The following CORO2A variants were observed in gnomAD, a reference collection of about 807,000 sequenced individuals.
The protein encoded by CORO2A is coronin-2A.
A neutral mutation model predicts 62.4 loss-of-function variants in CORO2A; 47 were observed. The observed-to-expected ratio is 0.75, with a 90% CI of 0.60 to 0.96. CORO2A has a LOEUF of 0.96. Ranked by LOEUF, CORO2A falls within the 40% of genes least tolerant of loss-of-function variation. The probability of loss-of-function intolerance (pLI) is 0.00; values close to 1 mark genes in which losing one functional copy is unlikely to be tolerated. For missense variants in CORO2A, 610 were observed against 684.1 expected, an observed-to-expected ratio of 0.89 and a Z score of 1.21; for synonymous variants, 273 against 268.9, an observed-to-expected ratio of 1.02 and a Z score of -0.15.
At chr9:98,158,782 G>A (rs1827840871) in intron 1 of CORO2A, among the ~76,000 whole-genome samples, 1 of 152,022 alleles carries the variant, frequency 6.6e-6, no homozygotes, top group South Asian at 2.1e-4. Flanking sequence ...AGAACAGTTT[G>A]GGGGAACCAC....
intron 11 of CORO2A, among the ~76,000 whole-genome samples, chr9:98,125,686 CA>C (rs112577379): frequency 8.0e-5 from 12 of 150,252 alleles, no homozygotes; most frequent in African/African-American, 2.9e-4. Context: ...AAACCCTCTC[CA>C]TTTTACAGAT....
rs1252927627 is a variant in CORO2A, at chr9:98,136,676, G to C, written c.318+896C>G. ...GCCTCCCACAGGCTGTGTAACATTA[G>C]GCAAATTGCTGTACCTCTCTGATCC... On this transcript the variant is annotated intron_variant, in intron 3 of 11. Coordinates refer to ENST00000375077, the MANE Select transcript of CORO2A (RefSeq NM_052820.4). 2.0e-5 allele frequency among the ~76,000 whole-genome samples: 3 copies of C among 152,308 alleles called. No homozygotes were observed. In the East Asian group the frequency reaches 5.8e-4, roughly 29 times the overall value.
intron 1 of CORO2A, among the ~76,000 whole-genome samples, chr9:98,159,567 C>T (rs1212675500): frequency 6.6e-6 from 1 of 151,532 alleles, no homozygotes; most frequent in Non-Finnish European, 1.5e-5. Flanking sequence ...GCTTGGCTTG[C>T]CATTCCCATG....
rs187268337 is a variant in CORO2A, at chr9:98,134,993, G to A, written c.319-38C>T. The A allele has an allele frequency of 6.2e-5, 99 of 1,605,466 alleles. No individual in the cohort carries two copies. The East Asian group carries it at 1.8e-3, about 30-fold the overall frequency. On this transcript the variant is annotated intron_variant, in intron 3 of 11. Coordinates refer to ENST00000375077, the MANE Select transcript of CORO2A (RefSeq NM_052820.4). ...ACAGGGCCCAAGGCAGCATTAGCCA[G>A]GGCACCTTGGCACCGTCACCAGCCT...
intron 1 of CORO2A, among the ~76,000 whole-genome samples, chr9:98,161,071 C>A (rs935840983): frequency 6.6e-6 from 1 of 152,174 alleles, no homozygotes; most frequent in Non-Finnish European, 1.5e-5. Flanking sequence ...GTAGAGTGAA[C>A]CATGAGATAA....
intron 2 of CORO2A, among the ~76,000 whole-genome samples, chr9:98,140,766 T>C (rs932137478): frequency 2.6e-5 from 4 of 152,160 alleles, no homozygotes; most frequent in Non-Finnish European, 5.9e-5. Context: ...TTAGTAGCTC[T>C]GCAAACAGAG....
At chr9:98,132,064 A>C in intron 6 of CORO2A, 121 bp downstream of exon 6, 1 of 810,432 alleles carries the variant, frequency 1.2e-6, no homozygotes, top group Non-Finnish European at 2.1e-6. Context: ...GATCCCCAGC[A>C]CCTGGCAGTC....
At chr9:98,126,943 G>T (rs1181372224) in intron 10 of CORO2A, 120 bp from the exon 11 acceptor site, 1 of 1,134,908 alleles carries the variant, frequency 8.8e-7, no homozygotes, top group Non-Finnish European at 1.3e-6. Flanking sequence ...CATGCAACAT[G>T]TGTGGGAAAT....
At chr9:98,173,062 T>A (rs1408155020) in intron 1 of CORO2A, among the ~76,000 whole-genome samples, 2 of 152,174 alleles carry the variant, frequency 1.3e-5, no homozygotes, top group African/African-American at 4.8e-5. Context: ...CCCAGCACTT[T>A]AGGAGGCCGA....
rs1183514343 is a variant in CORO2A at position 98,137,588 on chromosome 9, C to G, written c.302G>C (p.Cys101Ser). ...GACACTCACTGTGGCATCTTCAGAA[C>G]AGGAGGCGATCTCAAAATCATCAAA... Reference protein sequence around the residue: ...NPFDDFEIASCSEDATIKIWS... With the variant: ...NPFDDFEIASSSEDATIKIWS... Residue 101 changes from cysteine to serine, a missense_variant, in exon 3 of 12, where the codon TGT (cysteine) becomes TCT (serine). Physicochemically the swap from Cys to Ser is moderately radical, Grantham distance 112 (BLOSUM62 -1). Coordinates refer to ENST00000375077, the MANE Select transcript of CORO2A (RefSeq NM_052820.4). The G allele has an allele frequency of 6.2e-7, 1 of 1,614,078 alleles. No homozygotes were observed. Among genetic ancestry groups the G allele is most frequent in the Admixed American group, 1.7e-5 (1 of 60,026 alleles).
chr9:98,150,273 A>G (rs536276891), intron 2 of CORO2A, among the ~76,000 whole-genome samples: 1 of 152,124 alleles, frequency 6.6e-6, no homozygotes, highest in African/African-American at 2.4e-5. Flanking sequence ...CACTGGACTC[A>G]GGATAGAGCC....
chr9:98,160,339 G>C (rs747489903), intron 1 of CORO2A, among the ~76,000 whole-genome samples: 8 of 152,206 alleles, frequency 5.3e-5, no homozygotes, highest in African/African-American at 1.9e-4. Flanking sequence ...CACCTGAAAC[G>C]CAGGAGGAGT....
chr9:98,181,895 A>T (rs1417444843), intron 1 of CORO2A, among the ~76,000 whole-genome samples: 1 of 152,186 alleles, frequency 6.6e-6, no homozygotes, highest in Non-Finnish European at 1.5e-5. Flanking sequence ...AGTCACTTCC[A>T]AGCTGTGTGA....
intron 4 of CORO2A, 84 bp from the exon 5 acceptor site, chr9:98,133,301 A>T: frequency 7.4e-7 from 1 of 1,359,526 alleles, no homozygotes; most frequent in Non-Finnish European, 1.0e-6. Flanking sequence ...GATGCAGTGA[A>T]ACACAGTATC....
Position 98,129,753 on chromosome 9 carries a change from T to G in CORO2A, c.967+41A>C, listed in dbSNP as rs1009417562. 4 of 1,497,804 alleles carry G rather than the reference T, an allele frequency of 2.7e-6. No individual in the cohort carries two copies. The Admixed American group carries it at 6.7e-5, about 25-fold the overall frequency. 92.8% of individuals were successfully genotyped at this position (1,497,804 alleles called of 1,614,324 possible). A position where few individuals can be genotyped will look rare whatever the true frequency, so the allele number is the denominator to read the frequency against. ...ATTCTCCCACCTCGGCCTCCCGAAGTGCTGGGATTACAGGCATGAACTTCA... is the reference window on the plus strand; with the variant it reads ...ATTCTCCCACCTCGGCCTCCCGAAGGGCTGGGATTACAGGCATGAACTTCA... On this transcript the variant is annotated intron_variant, in intron 8 of 11. Transcript: ENST00000375077.
intron 3 of CORO2A, among the ~76,000 whole-genome samples, chr9:98,136,166 G>T (rs1055156374): frequency 6.6e-6 from 1 of 152,228 alleles, no homozygotes; most frequent in Non-Finnish European, 1.5e-5. Flanking sequence ...TAAAGATCTT[G>T]ATGGGAGCCT....
At chr9:98,147,010 T>C (rs953988831) in intron 2 of CORO2A, among the ~76,000 whole-genome samples, 13 of 152,146 alleles carry the variant, frequency 8.5e-5, no homozygotes, top group African/African-American at 3.1e-4. Flanking sequence ...CTCATGCCTG[T>C]TATCCCAGCA....
chr9:98,188,815 A>G (rs1375287563), intron 1 of CORO2A, among the ~76,000 whole-genome samples: 1 of 152,164 alleles, frequency 6.6e-6, no homozygotes, highest in African/African-American at 2.4e-5. Context: ...AACAAAACAA[A>G]AGAAACAAAC....
At chr9:98,159,903 G>T (rs1456311993) in intron 1 of CORO2A, among the ~76,000 whole-genome samples, 1 of 152,130 alleles carries the variant, frequency 6.6e-6, no homozygotes, top group Non-Finnish European at 1.5e-5. Flanking sequence ...GGCCTACGCT[G>T]GTCAAGATAA....
Sources: allele counts gnomAD v4.1 joint callset (sites outside exome capture counted in the v4.1 genomes callset), GRCh38; gene constraint gnomAD v4.1.1; transcripts MANE v1.5; gene names NCBI Gene and HGNC (gene_info 2026-07-23, HGNC 2026-07-21).